The following LANCL3 variants were observed in gnomAD, a reference collection of about 807,000 sequenced individuals.
LANCL3 encodes the protein LanC like family member 3, also known as lanC-like protein 3.
A neutral mutation model predicts 26.5 loss-of-function variants in LANCL3; 19 were observed. That is an observed-to-expected ratio of 0.72 (90% CI 0.50 to 1.05). The LOEUF is 1.05. LANCL3 is among the 50% of genes least tolerant of loss of function. LANCL3 has a pLI of 0.00. For missense variants in LANCL3, 318 were observed against 362.7 expected (o/e 0.88, Z 1.00); for synonymous variants, 160 against 166.6 (o/e 0.96, Z 0.30).
intron 1 of LANCL3, among the ~76,000 whole-genome samples, chrX:37,596,835 A>G (rs892407416): frequency 8.9e-5 from 10 of 112,292 alleles, no homozygotes. Context: ...GATATAACTT[A>G]TATATCATAC....
Position 37,572,045 on chromosome X carries a change from A to C in LANCL3, c.175A>C (p.Ser59Arg). 8.5e-7 allele frequency: 1 copy of C among 1,179,566 alleles called. No homozygotes were observed. Among genetic ancestry groups the C allele is most frequent in the Non-Finnish European group, 1.1e-6 (1 of 880,754 alleles). ...AEARGATAGA[S>R]ACQGGLYGGV... ...GGCCCGAGGGGCGACGGCGGGGGCTAGCGCCTGCCAGGGGGGGCTTTATGG... is the reference window on the plus strand; with the variant it reads ...GGCCCGAGGGGCGACGGCGGGGGCTCGCGCCTGCCAGGGGGGGCTTTATGG... Residue 59 changes from serine (S) to arginine (R), a missense_variant, in exon 1 of 5, where the codon AGC (serine) becomes CGC (arginine). Coordinates refer to ENST00000378619, the MANE Select transcript of LANCL3 (RefSeq NM_001170331.2).
At chrX:37,635,042 G>A (rs567737350) in intron 1 of LANCL3, among the ~76,000 whole-genome samples, 19 of 110,308 alleles carry the variant, frequency 1.7e-4, no homozygotes, top group East Asian at 2.8e-4. Flanking sequence ...AAAAAAGAGC[G>A]ACATAAGACT....
intron 1 of LANCL3, among the ~76,000 whole-genome samples, chrX:37,581,300 T>A (rs1162781274): frequency 8.9e-6 from 1 of 112,320 alleles, no homozygotes; most frequent in African/African-American, 3.2e-5. Context: ...AAGGAAAGAA[T>A]CACTTCCTGC....
intron 3 of LANCL3, among the ~76,000 whole-genome samples, chrX:37,664,521 G>A (rs782661621): frequency 8.1e-5 from 9 of 110,899 alleles, no homozygotes; most frequent in Non-Finnish European, 1.5e-4. Context: ...TTATTGAGGT[G>A]AAATTTACAT....
intron 2 of LANCL3, among the ~76,000 whole-genome samples, chrX:37,656,868 T>C (rs1926297367): frequency 8.8e-6 from 1 of 113,081 alleles, no homozygotes; most frequent in Admixed American, 9.3e-5. Context: ...AAAGAAATTT[T>C]ATGTCTGTTT....
intron 1 of LANCL3, among the ~76,000 whole-genome samples, chrX:37,629,682 A>C (rs78559813): frequency 3.4e-4 from 37 of 110,105 alleles, no homozygotes; most frequent in Admixed American, 6.8e-4. Flanking sequence ...GCCAGTTTTC[A>C]CAGCACCATT....
At chrX:37,576,205 A>G (rs782267412) in intron 1 of LANCL3, among the ~76,000 whole-genome samples, 1 of 111,653 alleles carries the variant, frequency 9.0e-6, no homozygotes, top group Non-Finnish European at 1.9e-5. Flanking sequence ...ATTTATGTTT[A>G]TAAGGTTCAG....
chrX:37,595,949 TG>T (rs1556419458), intron 1 of LANCL3, among the ~76,000 whole-genome samples: 1 of 112,128 alleles, frequency 8.9e-6, no homozygotes, highest in Non-Finnish European at 1.9e-5. Flanking sequence ...TTTATATTAA[TG>T]TGTTGTTCCC....
chrX:37,640,979 T>C (rs1477935814), intron 1 of LANCL3, among the ~76,000 whole-genome samples: 1 of 111,653 alleles, frequency 9.0e-6, no homozygotes, highest in Non-Finnish European at 1.9e-5. Context: ...TGGTGGCAAC[T>C]CCCTTGATCA....
Position 37,676,048 on chromosome X carries a change from G to T in LANCL3, c.*235G>T. ...ATTTAATGTGTCAGGGAATAGATGT[G>T]AAACAAGGGATCATAGGAAAAGGGG... On this transcript the variant is annotated 3_prime_UTR_variant, in exon 5 of 5. Transcript: ENST00000378619. 1 of 254,378 alleles carries T rather than the reference G, an allele frequency of 3.9e-6. No individual in the cohort carries two copies. The highest frequency in any genetic ancestry group is 7.0e-6 in the Non-Finnish European group (1 of 143,202). The allele number at this position is 254,378 out of a possible 1,213,427, so 21.0% of individuals were successfully genotyped here. A position where few individuals can be genotyped will look rare whatever the true frequency, so the allele number is the denominator to read the frequency against.
chrX:37,589,347 G>T (rs782277674), intron 1 of LANCL3, among the ~76,000 whole-genome samples: 1 of 111,464 alleles, frequency 9.0e-6, no homozygotes, highest in African/African-American at 3.3e-5. Context: ...CATCTCTGAG[G>T]CTTAATTTCT....
intron 1 of LANCL3, among the ~76,000 whole-genome samples, chrX:37,603,505 T>C (rs1232749612): frequency 8.9e-6 from 1 of 111,894 alleles, no homozygotes; most frequent in Non-Finnish European, 1.9e-5. Flanking sequence ...CCCGAAAGGG[T>C]AAGGAGTATA....
chrX:37,639,281 ATG>A (rs1473813948), intron 1 of LANCL3, among the ~76,000 whole-genome samples: 5 of 102,486 alleles, frequency 4.9e-5, no homozygotes, highest in East Asian at 3.1e-4. Flanking sequence ...ACATGTATAT[ATG>A]TGTGTGTATA....
At chrX:37,587,579 G>A (rs1924137606) in intron 1 of LANCL3, among the ~76,000 whole-genome samples, 1 of 113,079 alleles carries the variant, frequency 8.8e-6, no homozygotes, top group East Asian at 2.8e-4. Context: ...CTCCGTGGGC[G>A]TGGGGCCCTC....
At chrX:37,638,847 A>G (rs782655391) in intron 1 of LANCL3, among the ~76,000 whole-genome samples, 1 of 110,722 alleles carries the variant, frequency 9.0e-6, no homozygotes, top group South Asian at 3.9e-4. Flanking sequence ...TCTGACCTCT[A>G]TCACCATACT....
At chrX:37,659,325 C>G in intron 2 of LANCL3, 137 bp from the exon 3 acceptor site, 1 of 482,558 alleles carries the variant, frequency 2.1e-6, no homozygotes, top group South Asian at 3.4e-5. Flanking sequence ...AGTTCTTAGG[C>G]AACTTAGTTA....
chrX:37,619,176 A>T (rs1556422029), intron 1 of LANCL3, among the ~76,000 whole-genome samples: 1 of 111,713 alleles, frequency 9.0e-6, no homozygotes, highest in African/African-American at 3.3e-5. Flanking sequence ...TGTGCATGGG[A>T]TCCTAAGTTT....
chrX:37,662,339 A>G (rs1556432723), intron 3 of LANCL3, among the ~76,000 whole-genome samples: 2 of 112,467 alleles, frequency 1.8e-5, no homozygotes, highest in Non-Finnish European at 3.8e-5. Flanking sequence ...AGGTTACATC[A>G]TTGCTGTGGT....
At chrX:37,620,370 A>G (rs1334463811) in intron 1 of LANCL3, among the ~76,000 whole-genome samples, 1 of 112,162 alleles carries the variant, frequency 8.9e-6, no homozygotes, top group Admixed American at 9.4e-5. Flanking sequence ...CAGACATGGA[A>G]AGATAACTGG....
Sources: allele counts gnomAD v4.1 joint callset (sites outside exome capture counted in the v4.1 genomes callset), GRCh38; gene constraint gnomAD v4.1.1; transcripts MANE v1.5; gene names NCBI Gene and HGNC (gene_info 2026-07-23, HGNC 2026-07-21).